The following CLIP2 variants were observed in gnomAD, a reference collection of about 807,000 sequenced individuals.
CLIP2 encodes the protein CAP-Gly domain containing linker protein 2, also known as CAP-Gly domain-containing linker protein 2.
Under a neutral mutation model 111.7 loss-of-function variants are expected in CLIP2, and 41 were observed. That is an observed-to-expected ratio of 0.37 (90% CI 0.29 to 0.48). The LOEUF (loss-of-function observed/expected upper bound fraction) is 0.48, where lower values mean the gene tolerates loss of function less well. Among genes scored for constraint, CLIP2 ranks in the 20% least tolerant of loss-of-function variants. The pLI, the probability that CLIP2 is intolerant of heterozygous loss-of-function variation, is 0.99. For synonymous variants in CLIP2, 660 were observed against 644.2 expected, an observed-to-expected ratio of 1.02 and a Z score of -0.37; for missense variants, 1,160 against 1,422.1, an observed-to-expected ratio of 0.82 and a Z score of 2.96.
chr7:74,347,420 C>A (rs1554306550), intron 3 of CLIP2, among the ~76,000 whole-genome samples: 1 of 152,152 alleles, frequency 6.6e-6, no homozygotes, highest in East Asian at 1.9e-4. Flanking sequence ...AGGTGCCCGC[C>A]ACCACGCCTG....
intron 4 of CLIP2, 111 bp from the exon 5 acceptor site, chr7:74,356,299 A>G: frequency 2.3e-6 from 2 of 877,810 alleles, no homozygotes; most frequent in Non-Finnish European, 3.8e-6. Context: ...ATGGGCCCCA[A>G]GGAGGTGTCT....
At chr7:74,364,968 G>A (rs560600860) in intron 8 of CLIP2, 6 of 431,130 alleles carry the variant, frequency 1.4e-5, no homozygotes, top group South Asian at 1.0e-4. Flanking sequence ...AGGCTGCAGT[G>A]AGCTATGATT....
chr7:74,323,737 G>A (rs519462), intron 2 of CLIP2, among the ~76,000 whole-genome samples: 114,702 of 152,136 alleles, frequency 0.75, 43,331 homozygotes, highest in East Asian at 0.83. Context: ...TGGCCTAGAT[G>A]TCTTATGTTC....
chr7:74,345,383 C>T (rs950136929), intron 3 of CLIP2, among the ~76,000 whole-genome samples: 3 of 151,850 alleles, frequency 2.0e-5, no homozygotes, highest in East Asian at 2.0e-4. Flanking sequence ...TACAGGCATG[C>T]GCCACCCACC....
intron 1 of CLIP2, among the ~76,000 whole-genome samples, chr7:74,311,070 C>A (rs980237186): frequency 2.6e-4 from 40 of 151,864 alleles, no homozygotes; most frequent in African/African-American, 7.5e-4. Context: ...AGCTCTGCCC[C>A]CTGGGTTCAC....
chr7:74,314,859 G>T (rs1291998779), intron 1 of CLIP2, among the ~76,000 whole-genome samples: 1 of 152,290 alleles, frequency 6.6e-6, no homozygotes, highest in East Asian at 1.9e-4. Context: ...CCTGCAGCCA[G>T]TCCCATCTTG....
At chr7:74,295,822 G>T (rs76406951) in intron 1 of CLIP2, among the ~76,000 whole-genome samples, 5,726 of 151,906 alleles carry the variant, frequency 0.038, 255 homozygotes, top group East Asian at 0.19. Context: ...GTGGGCAACA[G>T]AGCCAGACTT....
intron 12 of CLIP2, 67 bp downstream of exon 12, chr7:74,386,671 T>C: frequency 5.3e-6 from 7 of 1,317,746 alleles, no homozygotes; most frequent in Non-Finnish European, 7.4e-6. Context: ...CAGCTGCCAA[T>C]TAAGCATGGA....
Position 74,357,397 on chromosome 7 carries a change from C to CG in CLIP2, c.1138dup (p.Ala380GlyfsTer2). The CG allele has an allele frequency of 6.2e-7, 1 of 1,612,974 alleles. No homozygotes were observed. The highest frequency in any genetic ancestry group is 8.5e-7 in the Non-Finnish European group (1 of 1,179,788). On this transcript the variant is annotated frameshift_variant, in exon 6 of 17. Transcript: ENST00000223398. LOFTEE classifies it high-confidence loss of function. Reference sequence around the variant, plus strand: ...GCTGCTGGCTGAACGAGACCTGGAACGGGCTGAGGTGGCCAAGGCCACAAG... The same window carrying CG: ...GCTGCTGGCTGAACGAGACCTGGAACGGGGCTGAGGTGGCCAAGGCCACAAG...
intron 1 of CLIP2, among the ~76,000 whole-genome samples, chr7:74,313,098 T>G (rs969025470): frequency 8.7e-5 from 13 of 150,060 alleles, no homozygotes; most frequent in Admixed American, 2.0e-4. Flanking sequence ...GGAGGATTGC[T>G]TTACCCCAGG....
chr7:74,316,105 TCCG>T (rs1788764242), intron 1 of CLIP2, among the ~76,000 whole-genome samples: 2 of 144,714 alleles, frequency 1.4e-5, no homozygotes, highest in South Asian at 4.5e-4. Flanking sequence ...ATTGTCCAGC[TCCG>T]ACTTACAAGT....
At chr7:74,320,195 C>CAA (rs34079690) in intron 2 of CLIP2, among the ~76,000 whole-genome samples, 11 of 99,208 alleles carry the variant, frequency 1.1e-4, no homozygotes, top group African/African-American at 4.7e-4. Context: ...GATTCCATCT[C>CAA]AAAAAAAAAA....
chr7:74,296,780 T>C (rs1468660333), intron 1 of CLIP2, among the ~76,000 whole-genome samples: 4 of 133,284 alleles, frequency 3.0e-5, no homozygotes, highest in Admixed American at 7.7e-5. Flanking sequence ...CAGAGTAAGA[T>C]TTTGTCTCAA....
chr7:74,340,419 G>A (rs2261353), intron 3 of CLIP2, among the ~76,000 whole-genome samples: 106,722 of 151,926 alleles, frequency 0.7, 38,166 homozygotes, highest in East Asian at 0.83. Context: ...TAATAACAGT[G>A]GTAATGGTTA....
At chr7:74,326,296 T>C (rs2116524195) in intron 2 of CLIP2, among the ~76,000 whole-genome samples, 1 of 152,164 alleles carries the variant, frequency 6.6e-6, no homozygotes, top group East Asian at 1.9e-4. Flanking sequence ...TGCCCAGGGT[T>C]ACAGGGCCAG....
chr7:74,300,922 A>G (rs1554726720), intron 1 of CLIP2, among the ~76,000 whole-genome samples: 1 of 152,188 alleles, frequency 6.6e-6, no homozygotes, highest in African/African-American at 2.4e-5. Flanking sequence ...GATAGAATGA[A>G]TCATTTTCCT....
At chr7:74,295,096 G>C (rs1271230535) in intron 1 of CLIP2, among the ~76,000 whole-genome samples, 1 of 152,174 alleles carries the variant, frequency 6.6e-6, no homozygotes, top group Non-Finnish European at 1.5e-5. Context: ...TCTATTAGCT[G>C]TGATTACAAG....
chr7:74,349,204 G>C (rs190113740), intron 3 of CLIP2, among the ~76,000 whole-genome samples: 60 of 151,608 alleles, frequency 4.0e-4, no homozygotes, highest in Non-Finnish European at 6.0e-4. Flanking sequence ...AGGCCAAGGC[G>C]GGCAGATCAC....
chr7:74,290,789 A>G (rs1312608130), intron 1 of CLIP2, among the ~76,000 whole-genome samples: 3 of 141,300 alleles, frequency 2.1e-5, no homozygotes, highest in African/African-American at 9.0e-5. Flanking sequence ...AATGTAAACA[A>G]TAAGCCCTTC....
Sources: allele counts gnomAD v4.1 joint callset (sites outside exome capture counted in the v4.1 genomes callset), GRCh38; gene constraint gnomAD v4.1.1; transcripts MANE v1.5; gene names NCBI Gene and HGNC (gene_info 2026-07-23, HGNC 2026-07-21).